The following MEF2A variants were observed in gnomAD, a reference collection of about 807,000 sequenced individuals.
MEF2A encodes myocyte enhancer factor 2A, also known as myocyte-specific enhancer factor 2A.
A neutral mutation model predicts 55.8 loss-of-function variants in MEF2A; 28 were observed. The ratio of observed to expected loss-of-function variants is 0.50; its 90% CI spans 0.37 to 0.69. The LOEUF is 0.69. Ranked by LOEUF, MEF2A falls within the 30% of genes least tolerant of loss-of-function variation. MEF2A has a pLI of 0.00. For synonymous variants in MEF2A, 239 were observed against 227.1 expected (o/e 1.05, Z -0.47); for missense variants, 528 against 626.2 (o/e 0.84, Z 1.67).
intron 3 of MEF2A, among the ~76,000 whole-genome samples, chr15:99,643,334 C>G (rs2045358325): frequency 6.6e-6 from 1 of 152,132 alleles, no homozygotes; most frequent in Non-Finnish European, 1.5e-5. Flanking sequence ...TTACTTTGAA[C>G]TGAAAACACT....
chr15:99,642,145 A>G (rs375971165), intron 3 of MEF2A, among the ~76,000 whole-genome samples: 2 of 152,104 alleles, frequency 1.3e-5, no homozygotes, highest in East Asian at 1.9e-4. Context: ...TATAGGCCCT[A>G]TTTCTTTTCC....
chr15:99,698,786 C>CT (rs944546877), intron 8 of MEF2A, among the ~76,000 whole-genome samples: 2 of 150,874 alleles, frequency 1.3e-5, no homozygotes, highest in African/African-American at 4.9e-5. Flanking sequence ...GAGTGAAACT[C>CT]TGTCTCAAAA....
chr15:99,701,358 T>A (rs1157332499), intron 8 of MEF2A, among the ~76,000 whole-genome samples: 1 of 152,186 alleles, frequency 6.6e-6, no homozygotes, highest in Non-Finnish European at 1.5e-5. Context: ...TTCTATAAGA[T>A]AACTGATCAG....
At chr15:99,663,162 G>T (rs184272479) in intron 4 of MEF2A, among the ~76,000 whole-genome samples, 1 of 151,842 alleles carries the variant, frequency 6.6e-6, no homozygotes, top group Non-Finnish European at 1.5e-5. Context: ...TAGGCTCTTC[G>T]ATCCAAAATG....
Position 99,645,541 on chromosome 15 carries a change from A to T in MEF2A, c.55-20A>T. On this transcript the variant is annotated intron_variant, in intron 3 of 11. Transcript: ENST00000557942. ...TACTACTAATGCTTTTAATAAAAAT[A>T]TACCTTTTTTATTGTTTAGGTCACT... is the stretch of plus-strand genomic sequence containing the variant. 1 of 1,547,104 alleles carries T rather than the reference A, an allele frequency of 6.5e-7. No individual in the cohort carries two copies. The highest frequency in any genetic ancestry group is 2.0e-4 in the Middle Eastern group (1 of 4,920).
Position 99,652,052 on chromosome 15 carries a change from A to G in MEF2A, c.258+6288A>G, listed in dbSNP as rs113945242. The stretch of plus-strand genomic sequence containing the variant: ...TAAAGTGTTCCTTTTTCTCCAGAAG[A>G]TATTTGATGCTTTGGTCAAATTTTT... On this transcript the variant is annotated intron_variant, in intron 4 of 11. Coordinates refer to ENST00000557942, the MANE Select transcript of MEF2A (RefSeq NM_001319206.4). Among the ~76,000 whole-genome samples, 335 of 152,202 alleles carry G rather than the reference A, an allele frequency of 2.2e-3. 3 individuals carry two copies. Among genetic ancestry groups the G allele is most frequent in the African/African-American group, 7.8e-3 (324 of 41,522 alleles).
At chr15:99,585,190 C>T (rs1966858300) in intron 1 of MEF2A, among the ~76,000 whole-genome samples, 1 of 152,168 alleles carries the variant, frequency 6.6e-6, no homozygotes, top group Non-Finnish European at 1.5e-5. Flanking sequence ...ATATTAAATT[C>T]AGATGCTTTC....
chr15:99,658,603 T>TAAA (rs550892971), intron 4 of MEF2A, among the ~76,000 whole-genome samples: 3 of 138,730 alleles, frequency 2.2e-5, no homozygotes, highest in Admixed American at 7.2e-5. Flanking sequence ...AGTAAATGTG[T>TAAA]AAAAAAAAAA....
intron 8 of MEF2A, among the ~76,000 whole-genome samples, chr15:99,702,568 T>G (rs1216861371): frequency 6.6e-6 from 1 of 151,856 alleles, no homozygotes; most frequent in Non-Finnish European, 1.5e-5. Flanking sequence ...GCTGGGATTA[T>G]AGGCACCTGC....
At chr15:99,650,134 G>A (rs950266684) in intron 4 of MEF2A, among the ~76,000 whole-genome samples, 1 of 151,968 alleles carries the variant, frequency 6.6e-6, no homozygotes, top group African/African-American at 2.4e-5. Context: ...AATTCTTCTC[G>A]CAGTATCTCA....
At position 99,616,299 on chromosome 15, in the gene MEF2A, G is replaced by A. The variant is rs150591051; in HGVS notation, c.-142-16679G>A. On this transcript the variant is annotated intron_variant, in intron 2 of 11. Transcript: ENST00000557942. ...TCCATTTTATAATATCTGCGAATAG[G>A]TTAGACAAAATTACAATATTGATGA... is the stretch of plus-strand genomic sequence containing the variant. 3.4e-3 allele frequency among the ~76,000 whole-genome samples: 510 copies of A among 152,168 alleles called. 5 individuals carry two copies. The highest frequency in any genetic ancestry group is 0.012 in the African/African-American group (478 of 41,526).
chr15:99,637,983 G>T (rs2153439263), intron 3 of MEF2A, among the ~76,000 whole-genome samples: 1 of 152,218 alleles, frequency 6.6e-6, no homozygotes, highest in East Asian at 1.9e-4. Context: ...GTATAAACTG[G>T]TATCTTGTGG....
At chr15:99,613,761 A>G (rs1394175910) in intron 2 of MEF2A, among the ~76,000 whole-genome samples, 2 of 152,196 alleles carry the variant, frequency 1.3e-5, no homozygotes, top group African/African-American at 4.8e-5. Flanking sequence ...TTGTATTTTG[A>G]CAGCCCATGG....
intron 1 of MEF2A, among the ~76,000 whole-genome samples, chr15:99,587,100 C>T (rs1176784591): frequency 6.6e-6 from 1 of 151,588 alleles, no homozygotes; most frequent in Non-Finnish European, 1.5e-5. Flanking sequence ...GGTACATGTG[C>T]AGAACGTGGT....
chr15:99,611,000 G>A (rs181725987), intron 2 of MEF2A, among the ~76,000 whole-genome samples: 1 of 152,228 alleles, frequency 6.6e-6, no homozygotes, highest in African/African-American at 2.4e-5. Flanking sequence ...CCAGCACTTC[G>A]GGAGGCCGAG....
At chr15:99,567,627 CTGTG>C (rs370539645) in intron 1 of MEF2A, among the ~76,000 whole-genome samples, 1,626 of 143,846 alleles carry the variant, frequency 0.011, 24 homozygotes, top group African/African-American at 0.032. Flanking sequence ...TTTGTATGTA[CTGTG>C]TGTGTGTGTG....
Position 99,674,557 on chromosome 15 carries a change from A to G in MEF2A, c.555A>G (p.Leu185=), listed in dbSNP as rs778750116. The G allele has an allele frequency of 3.1e-6, 5 of 1,613,990 alleles. No homozygotes were observed. The highest frequency in any genetic ancestry group is 2.5e-6 in the Non-Finnish European group (3 of 1,179,880). Residue 185 remains leucine, a synonymous_variant, in exon 6 of 12, where the codon TTA becomes TTG. Transcript: ENST00000557942. ...SSMLSPPQTT[L]HRNVSPGAPQ... Reference sequence around the variant, plus strand: ...TGCTCTCTCCACCTCAAACCACATTACATAGAAATGTGTCTCCTGGAGCTC... The same window carrying G: ...TGCTCTCTCCACCTCAAACCACATTGCATAGAAATGTGTCTCCTGGAGCTC...
At chr15:99,626,024 G>T (rs1596566190) in intron 2 of MEF2A, among the ~76,000 whole-genome samples, 1 of 152,112 alleles carries the variant, frequency 6.6e-6, no homozygotes, top group African/African-American at 2.4e-5. Flanking sequence ...GTTTGAGGAG[G>T]ATTGGTGTTA....
chr15:99,673,995 T>A (rs1229937979), intron 5 of MEF2A, among the ~76,000 whole-genome samples: 1 of 152,168 alleles, frequency 6.6e-6, no homozygotes, highest in Non-Finnish European at 1.5e-5. Context: ...ATATTTGGGA[T>A]CTCTCAGTAG....
Sources: gnomAD v4.1 joint callset for allele counts (sites outside exome capture counted in the v4.1 genomes callset) on GRCh38, gnomAD v4.1.1 for gene constraint, MANE v1.5 for transcripts, NCBI Gene and HGNC (gene_info 2026-07-23, HGNC 2026-07-21) for gene names.